The following EDEM3 variants were observed in gnomAD, a reference collection of about 807,000 sequenced individuals.
The protein encoded by EDEM3 is ER degradation enhancing alpha-mannosidase like protein 3.
In EDEM3, 60 loss-of-function variants were observed where a neutral mutation model predicts 110.2. The observed-to-expected ratio is 0.54, with a 90% CI of 0.44 to 0.67. The LOEUF is 0.67. Ranked by LOEUF, EDEM3 falls within the 30% of genes least tolerant of loss-of-function variation. EDEM3 has a pLI of 0.00. For missense variants in EDEM3, 996 were observed against 1,121.0 expected (o/e 0.89, Z 1.59); for synonymous variants, 352 against 382.9 (o/e 0.92, Z 0.94).
intron 17 of EDEM3, 69 bp downstream of exon 17, chr1:184,708,084 G>A (rs1650028641): frequency 7.6e-7 from 1 of 1,317,526 alleles, no homozygotes; most frequent in Non-Finnish European, 1.0e-6. Flanking sequence ...TTAGAGAAGA[G>A]ACTAAGAAAT....
Position 184,748,580 on chromosome 1 carries a change from A to C in EDEM3, c.204+967T>G, listed in dbSNP as rs115011086. Among the ~76,000 whole-genome samples, 436 of 152,358 alleles carry C rather than the reference A, an allele frequency of 2.9e-3. 3 individuals carry two copies. The highest frequency in any genetic ancestry group is 0.01 in the African/African-American group (422 of 41,590). On this transcript the variant is annotated intron_variant, in intron 2 of 19. Coordinates refer to ENST00000318130, the MANE Select transcript of EDEM3 (RefSeq NM_025191.4). Reference sequence around the variant, plus strand: ...AAAATCATATCCTAAAAACATTAAGAACTCAAAATGTGCTCTCTCCAAATT... The same window carrying C: ...AAAATCATATCCTAAAAACATTAAGCACTCAAAATGTGCTCTCTCCAAATT...
In EDEM3 at chr1:184,754,634, C is replaced by T; in HGVS notation, c.13G>A (p.Gly5Ser). The stretch of plus-strand genomic sequence containing the variant: ...ACCGGGGACCCACAGCCCCGGCCGC[C>T]GGCTTCGCTCATGGCCCCGCGGTTC... MSEA[G>S]GRGCGSPVPQ... Residue 5 changes from glycine (G) to serine (S), a missense_variant, in exon 1 of 20, where the codon GGC becomes AGC. Coordinates refer to ENST00000318130, the MANE Select transcript of EDEM3 (RefSeq NM_025191.4). The T allele has an allele frequency of 1.3e-6, 2 of 1,582,798 alleles. No homozygotes were observed. The highest frequency in any genetic ancestry group is 1.7e-6 in the Non-Finnish European group (2 of 1,164,732).
chr1:184,715,043 A>G (rs1650468034), intron 13 of EDEM3, among the ~76,000 whole-genome samples: 1 of 152,226 alleles, frequency 6.6e-6, no homozygotes, highest in Admixed American at 6.5e-5. Flanking sequence ...CAGTGAGTCA[A>G]TGAAGCAGTG....
At chr1:184,750,657 C>T (rs1243107459) in intron 1 of EDEM3, among the ~76,000 whole-genome samples, 5 of 151,838 alleles carry the variant, frequency 3.3e-5, no homozygotes, top group South Asian at 2.1e-4. Flanking sequence ...GGATTACAGG[C>T]GTCTGCCACC....
At chr1:184,736,547 T>C (rs1270057771) in intron 4 of EDEM3, among the ~76,000 whole-genome samples, 1 of 152,082 alleles carries the variant, frequency 6.6e-6, no homozygotes, top group African/African-American at 2.4e-5. Context: ...CAGAAATAAA[T>C]TTCTGTACTA....
chr1:184,725,088 TCA>T (rs1387135617), intron 7 of EDEM3, among the ~76,000 whole-genome samples: 10 of 152,214 alleles, frequency 6.6e-5, no homozygotes, highest in African/African-American at 2.4e-4. Context: ...TGCACTTTGC[TCA>T]CAGACTGCAG....
chr1:184,712,558 A>G lies in EDEM3; in HGVS notation c.1411T>C (p.Tyr471His). Residue 471 changes from tyrosine to histidine, a missense_variant, in exon 14 of 20, where the codon TAC becomes CAC. By Grantham distance (83) the Tyr-to-His change is moderately conservative (BLOSUM62 2). Around this residue, in one of 5 missense-constraint regions of EDEM3, gnomAD observed 310 missense variants for 394.6 expected, o/e 0.79. Transcript: ENST00000318130. ...FFLAEMFKYL[Y>H]LLFADKEDII... ...TCTTCTTTATCAGCAAATAACAGGT[A>G]AAGATATTTAAACATTTCAGCCAAG... 6.4e-7 allele frequency: 1 copy of G among 1,570,792 alleles called. No individual in the cohort carries two copies. The highest frequency in any genetic ancestry group is 2.3e-5 in the East Asian group (1 of 44,194).
At chr1:184,716,839 G>C in intron 13 of EDEM3, 49 bp downstream of exon 13, 1 of 1,589,254 alleles carries the variant, frequency 6.3e-7, no homozygotes, top group Non-Finnish European at 8.6e-7. Flanking sequence ...TGCATTTTGT[G>C]TTGTTTCAGA....
At chr1:184,719,598 G>A (rs1288745077) in intron 9 of EDEM3, 30 bp from the exon 10 acceptor site, 9 of 1,605,458 alleles carry the variant, frequency 5.6e-6, no homozygotes, top group Admixed American at 5.2e-5. Flanking sequence ...GTTCATGAAA[G>A]TTAGATGAAA....
At chr1:184,750,850 G>A (rs1652723989) in intron 1 of EDEM3, among the ~76,000 whole-genome samples, 1 of 151,990 alleles carries the variant, frequency 6.6e-6, no homozygotes, top group Admixed American at 6.6e-5. Flanking sequence ...AATCACTGAT[G>A]GCAAGAATTG....
intron 8 of EDEM3, 78 bp downstream of exon 8, chr1:184,723,673 T>C: frequency 8.8e-7 from 1 of 1,130,246 alleles, no homozygotes; most frequent in South Asian, 1.4e-5. Flanking sequence ...CAAAGATTAT[T>C]TTAACAAATG....
intron 19 of EDEM3, among the ~76,000 whole-genome samples, chr1:184,698,189 C>T (rs1427007857): frequency 6.6e-6 from 1 of 151,692 alleles, no homozygotes; most frequent in Non-Finnish European, 1.5e-5. Flanking sequence ...ATGTGAATTG[C>T]TACAACCTTT....
At chr1:184,749,461 T>C (rs1398952525) in intron 2 of EDEM3, 86 bp downstream of exon 2, 2 of 1,038,124 alleles carry the variant, frequency 1.9e-6, no homozygotes, top group African/African-American at 1.7e-5. Flanking sequence ...TGTAATTGTA[T>C]TGTAGGTTTC....
intron 11 of EDEM3, 46 bp from the exon 12 acceptor site, chr1:184,717,669 C>T (rs776084630): frequency 6.2e-6 from 9 of 1,446,742 alleles, no homozygotes; most frequent in South Asian, 5.1e-5. Context: ...TGATTAAATA[C>T]ACAAGTAGTT....
chr1:184,744,393 T>C (rs1322263274), intron 2 of EDEM3, among the ~76,000 whole-genome samples: 1 of 150,532 alleles, frequency 6.6e-6, no homozygotes, highest in African/African-American at 2.4e-5. Context: ...CCCAACAGAA[T>C]GGCTGAAATT....
At chr1:184,715,897 AC>A (rs1191758240) in intron 13 of EDEM3, among the ~76,000 whole-genome samples, 1 of 152,140 alleles carries the variant, frequency 6.6e-6, no homozygotes, top group Non-Finnish European at 1.5e-5. Context: ...AGCCTAATTA[AC>A]CATTATCCGA....
intron 7 of EDEM3, 33 bp downstream of exon 7, chr1:184,726,222 T>C: frequency 6.2e-7 from 1 of 1,608,170 alleles, no homozygotes; most frequent in South Asian, 1.1e-5. Context: ...TTATGCCCAA[T>C]ACCCAGGATA....
chr1:184,737,167 A>G, intron 3 of EDEM3, 103 bp from the exon 4 acceptor site: 1 of 965,572 alleles, frequency 1.0e-6, no homozygotes, highest in Non-Finnish European at 1.6e-6. Flanking sequence ...AGTTTCTATA[A>G]ATTAGTACTT....
At chr1:184,716,548 T>C (rs1227026307) in intron 13 of EDEM3, among the ~76,000 whole-genome samples, 1 of 152,130 alleles carries the variant, frequency 6.6e-6, no homozygotes, top group Non-Finnish European at 1.5e-5. Context: ...TGGTAATTTC[T>C]AATGTCTTAT....
Sources: allele counts gnomAD v4.1 joint callset (sites outside exome capture counted in the v4.1 genomes callset), GRCh38; gene constraint gnomAD v4.1.1; regional missense constraint gnomAD v4.1.1; transcripts MANE v1.5; gene names NCBI Gene and HGNC (gene_info 2026-07-23, HGNC 2026-07-21).